Variants in ATCAY observed in about 807,000 individuals in gnomAD.
ATCAY encodes ATCAY kinesin light chain interacting caytaxin.
In ATCAY, 22 loss-of-function variants were observed where a neutral mutation model predicts 47.7. The observed-to-expected ratio is 0.46, with a 90% CI of 0.33 to 0.66. ATCAY has a LOEUF of 0.66. ATCAY is among the 30% of genes least tolerant of loss of function. The probability of loss-of-function intolerance (pLI) is 0.02; values close to 1 mark genes in which losing one functional copy is unlikely to be tolerated. For missense variants in ATCAY, 452 were observed against 515.0 expected, an observed-to-expected ratio of 0.88 and a Z score of 1.18; for synonymous variants, 216 against 207.6, an observed-to-expected ratio of 1.04 and a Z score of -0.35.
At chr19:3,885,457 G>A (rs2145219002) in intron 1 of ATCAY, among the ~76,000 whole-genome samples, 1 of 152,166 alleles carries the variant, frequency 6.6e-6, no homozygotes, top group South Asian at 2.1e-4. Flanking sequence ...GGGAGGCTGA[G>A]GCGGGAGAAT....
At chr19:3,903,205 C>T (rs2038829930) in intron 3 of ATCAY, among the ~76,000 whole-genome samples, 1 of 152,054 alleles carries the variant, frequency 6.6e-6, no homozygotes, top group Non-Finnish European at 1.5e-5. Context: ...AACTCCTGGG[C>T]TCAAGCCATC....
intron 3 of ATCAY, among the ~76,000 whole-genome samples, chr19:3,903,982 C>CAAAAA (rs59631453): frequency 0.023 from 1,808 of 78,964 alleles, 26 homozygotes; most frequent in Middle Eastern, 0.087. Flanking sequence ...ACTAAAGATA[C>CAAAAA]AAAAAAAAAA....
chr19:3,921,912 A>T (rs1037481027), intron 12 of ATCAY, among the ~76,000 whole-genome samples: 4 of 151,986 alleles, frequency 2.6e-5, no homozygotes, highest in Non-Finnish European at 5.9e-5. Context: ...AAAAAAACAA[A>T]AAAACAAAAA....
At chr19:3,900,037 T>A (rs1021892723) in intron 2 of ATCAY, among the ~76,000 whole-genome samples, 1 of 152,136 alleles carries the variant, frequency 6.6e-6, no homozygotes, top group South Asian at 2.1e-4. Flanking sequence ...ATATTTTATA[T>A]TTGTCACAAT....
At chr19:3,912,518 G>A (rs1436830328) in intron 8 of ATCAY, among the ~76,000 whole-genome samples, 2 of 152,002 alleles carry the variant, frequency 1.3e-5, no homozygotes, top group East Asian at 1.9e-4. Context: ...CATCGTGTTA[G>A]CCAGGATGGT....
intron 2 of ATCAY, among the ~76,000 whole-genome samples, chr19:3,888,196 A>AGC (rs1435354855): frequency 6.6e-6 from 1 of 152,060 alleles, no homozygotes; most frequent in Non-Finnish European, 1.5e-5. Flanking sequence ...GGCTAAAGAT[A>AGC]GCTGCTCATC....
chr19:3,900,618 C>T (rs982847956), intron 2 of ATCAY, among the ~76,000 whole-genome samples: 1 of 149,428 alleles, frequency 6.7e-6, no homozygotes, highest in African/African-American at 2.5e-5. Flanking sequence ...CTCACTGCAA[C>T]CTCCGCCTCC....
intron 6 of ATCAY, 147 bp from the exon 7 acceptor site, chr19:3,909,339 C>G (rs2038902125): frequency 1.2e-6 from 1 of 848,478 alleles, no homozygotes; most frequent in African/African-American, 1.7e-5. Context: ...TCCCACCCTG[C>G]AGTCCGCCAG....
At chr19:3,922,111 A>C (rs566559015) in intron 12 of ATCAY, 7 of 701,820 alleles carry the variant, frequency 1.0e-5, no homozygotes, top group African/African-American at 8.7e-5. Context: ...GTGTTTATAG[A>C]GAGTCAACTA....
At chr19:3,922,138 T>C in intron 12 of ATCAY, 1 of 702,732 alleles carries the variant, frequency 1.4e-6, no homozygotes, top group South Asian at 1.5e-5. Flanking sequence ...CCTGGCTGAC[T>C]GTCTGCATGG....
chr19:3,898,862 A>G (rs2038790901), intron 2 of ATCAY, among the ~76,000 whole-genome samples: 1 of 152,082 alleles, frequency 6.6e-6, no homozygotes, highest in Admixed American at 6.6e-5. Flanking sequence ...TTGTATTTTT[A>G]GTACAGACAG....
chr19:3,885,945 C>A, intron 2 of ATCAY, 101 bp downstream of exon 2: 1 of 1,203,852 alleles, frequency 8.3e-7, no homozygotes, highest in African/African-American at 1.5e-5. Context: ...GGGAACCGCC[C>A]GGGGCTGGCC....
At position 3,907,122 on chromosome 19, in the gene ATCAY, A is replaced by C. The variant is rs1179556196; in HGVS notation, c.359-612A>C. Among the ~76,000 whole-genome samples the C allele has an allele frequency of 6.8e-6, 1 of 146,046 alleles. No individual in the cohort carries two copies. The highest frequency in any genetic ancestry group is 2.0e-4 in the East Asian group (1 of 5,032). ...CCACTCCAGCCTGGGCGATGGAACA[A>C]GACTCTCTCAAAAAAAAAAAAGAAA... On this transcript the variant is annotated intron_variant, in intron 4 of 12. Transcript: ENST00000450849. This position sits in a 1 kb window ranked among gnomAD's most constrained non-coding sequence, Gnocchi z 5.1.
chr19:3,891,421 G>C (rs2038718424), intron 2 of ATCAY, among the ~76,000 whole-genome samples: 1 of 152,014 alleles, frequency 6.6e-6, no homozygotes, highest in Non-Finnish European at 1.5e-5. Context: ...AGGCAGCCCG[G>C]AGATTGCTGC....
In ATCAY at chr19:3,880,949, A is replaced by C. The variant is rs372047957; in HGVS notation, c.-101A>C. The C allele has an allele frequency of 6.6e-6, 1 of 152,142 alleles. No homozygotes were observed. The highest frequency in any genetic ancestry group is 1.9e-4 in the East Asian group (1 of 5,184). 9.4% of individuals were successfully genotyped at this position (152,142 alleles called of 1,614,324 possible). On this transcript the variant is annotated 5_prime_UTR_variant, in exon 1 of 13. Transcript: ENST00000450849. ...GGGAGCGTGAGCGATGCCCAGCTGC[A>C]CCCGGGCAGGGCTCGCCTTTGTTTG...
chr19:3,924,026 G>GGATA (rs2039044030), intron 12 of ATCAY, among the ~76,000 whole-genome samples: 1 of 151,458 alleles, frequency 6.6e-6, no homozygotes, highest in African/African-American at 2.4e-5. Flanking sequence ...GTGGGTGGAT[G>GGATA]GATGGGTGGG....
chr19:3,890,325 C>T (rs1242144188), intron 2 of ATCAY, among the ~76,000 whole-genome samples: 2 of 131,064 alleles, frequency 1.5e-5, no homozygotes, highest in African/African-American at 3.0e-5. Context: ...TGCAGTGGCG[C>T]GAGTTCGGCT....
At chr19:3,913,903 C>A in intron 9 of ATCAY, 47 bp downstream of exon 9, 2 of 1,539,976 alleles carry the variant, frequency 1.3e-6, no homozygotes, top group Non-Finnish European at 1.8e-6. Context: ...TGTTTTCGTG[C>A]TGCTGATAAA....
chr19:3,899,551 G>T (rs550331779), intron 2 of ATCAY, among the ~76,000 whole-genome samples: 2 of 151,636 alleles, frequency 1.3e-5, no homozygotes, highest in South Asian at 2.1e-4. Flanking sequence ...CTGACCTCAG[G>T]TGATCCGCCC....
Sources: gnomAD v4.1 joint callset for allele counts (sites outside exome capture counted in the v4.1 genomes callset) on GRCh38, gnomAD v4.1.1 for gene constraint, Gnocchi (gnomAD v3.1) non-coding constraint, MANE v1.5 for transcripts, NCBI Gene and HGNC (gene_info 2026-07-23, HGNC 2026-07-21) for gene names.